The following CNTNAP2 variants were observed in gnomAD, a reference collection of about 807,000 sequenced individuals.
CNTNAP2 encodes the protein contactin associated protein 2, also known as contactin-associated protein-like 2.
A neutral mutation model predicts 155.2 loss-of-function variants in CNTNAP2; 98 were observed. That is an observed-to-expected ratio of 0.63 (90% CI 0.54 to 0.75). CNTNAP2 has a LOEUF of 0.75. CNTNAP2 is among the 30% of genes least tolerant of loss of function. The probability of loss-of-function intolerance (pLI) is 0.00; values close to 1 mark genes in which losing one functional copy is unlikely to be tolerated. For synonymous variants in CNTNAP2, 651 were observed against 631.2 expected, an observed-to-expected ratio of 1.03 and a Z score of -0.47; for missense variants, 1,727 against 1,688.1, an observed-to-expected ratio of 1.02 and a Z score of -0.40.
chr7:148,370,632 TC>T (rs938334766), intron 21 of CNTNAP2, among the ~76,000 whole-genome samples: 38 of 133,432 alleles, frequency 2.8e-4, no homozygotes, highest in Middle Eastern at 3.7e-3. Context: ...GCATGGCTGG[TC>T]CCCCCCTACC....
chr7:148,242,728 C>G (rs1015230717), intron 20 of CNTNAP2, among the ~76,000 whole-genome samples: 3 of 152,156 alleles, frequency 2.0e-5, no homozygotes, highest in African/African-American at 7.2e-5. Context: ...TGGGCACACA[C>G]GAGAGTTTCA....
intron 13 of CNTNAP2, among the ~76,000 whole-genome samples, chr7:147,801,269 C>A (rs1158160550): frequency 6.8e-6 from 1 of 147,820 alleles, no homozygotes; most frequent in African/African-American, 2.5e-5. Context: ...CATGTATATG[C>A]ATGTTAAATA....
At chr7:146,983,223 T>G (rs1393964491) in intron 3 of CNTNAP2, among the ~76,000 whole-genome samples, 1 of 152,172 alleles carries the variant, frequency 6.6e-6, no homozygotes, top group Non-Finnish European at 1.5e-5. Flanking sequence ...TGCTGAAAGA[T>G]TCTGCTGAAT....
intron 13 of CNTNAP2, among the ~76,000 whole-genome samples, chr7:147,828,502 T>A (rs1798495233): frequency 6.6e-6 from 1 of 152,212 alleles, no homozygotes; most frequent in Non-Finnish European, 1.5e-5. Context: ...TTTTTGGAAG[T>A]GCCACATAAA....
chr7:146,150,450 A>G (rs1480746330), intron 1 of CNTNAP2, among the ~76,000 whole-genome samples: 1 of 152,152 alleles, frequency 6.6e-6, no homozygotes, highest in Non-Finnish European at 1.5e-5. Context: ...TTGTAAAAAT[A>G]TGTTTTTAAT....
chr7:147,796,380 G>A (rs1376692707), intron 13 of CNTNAP2, among the ~76,000 whole-genome samples: 1 of 152,092 alleles, frequency 6.6e-6, no homozygotes, highest in Non-Finnish European at 1.5e-5. Context: ...ATTGAAGGAA[G>A]CCTTAGCACA....
chr7:146,999,136 A>G (rs1399960577), intron 3 of CNTNAP2, among the ~76,000 whole-genome samples: 1 of 151,266 alleles, frequency 6.6e-6, no homozygotes, highest in Admixed American at 6.6e-5. Context: ...TTTTTCTGTT[A>G]GCGTATCTGT....
intron 3 of CNTNAP2, among the ~76,000 whole-genome samples, chr7:146,971,875 G>A (rs1417538177): frequency 1.3e-5 from 2 of 152,030 alleles, no homozygotes; most frequent in African/African-American, 4.8e-5. Flanking sequence ...ATAATAAAGA[G>A]TATATTTATT....
At chr7:147,955,531 T>C (rs1464828451) in intron 14 of CNTNAP2, among the ~76,000 whole-genome samples, 1 of 152,212 alleles carries the variant, frequency 6.6e-6, no homozygotes, top group East Asian at 1.9e-4. Context: ...CAATAGTTAA[T>C]GGATCCCCTG....
chr7:147,914,371 T>C (rs1002142963), intron 14 of CNTNAP2, among the ~76,000 whole-genome samples: 5 of 151,976 alleles, frequency 3.3e-5, no homozygotes, highest in African/African-American at 1.2e-4. Flanking sequence ...TGAAACCCTA[T>C]GTCTACTAAA....
At chr7:148,388,049 C>A (rs1163864701) in intron 22 of CNTNAP2, among the ~76,000 whole-genome samples, 1 of 152,138 alleles carries the variant, frequency 6.6e-6, no homozygotes, top group African/African-American at 2.4e-5. Context: ...ATGATCCACC[C>A]CTTGTTTAGC....
intron 12 of CNTNAP2, among the ~76,000 whole-genome samples, chr7:147,615,313 C>T (rs1198832718): frequency 1.0e-5 from 1 of 96,834 alleles, no homozygotes; most frequent in Non-Finnish European, 2.1e-5. Flanking sequence ...AAAAAAAAGA[C>T]TACATCTCCA....
chr7:146,902,993 G>T (rs1180464099), intron 3 of CNTNAP2, among the ~76,000 whole-genome samples: 2 of 152,198 alleles, frequency 1.3e-5, no homozygotes, highest in Non-Finnish European at 2.9e-5. Context: ...GACTGCCTCT[G>T]GACTACCAGC....
chr7:147,626,904 C>T (rs1563028137), intron 12 of CNTNAP2, among the ~76,000 whole-genome samples: 1 of 152,208 alleles, frequency 6.6e-6, no homozygotes, highest in Non-Finnish European at 1.5e-5. Flanking sequence ...CATGGACTCT[C>T]ACAGAGTCTA....
intron 1 of CNTNAP2, among the ~76,000 whole-genome samples, chr7:146,749,675 G>GAA (rs66529111): frequency 0.059 from 9,015 of 151,966 alleles, 818 homozygotes; most frequent in African/African-American, 0.2. Flanking sequence ...CCCTGAATGA[G>GAA]TGAAGCTATA....
chr7:147,562,774 T>C (rs1800089758), intron 12 of CNTNAP2, among the ~76,000 whole-genome samples: 1 of 152,200 alleles, frequency 6.6e-6, no homozygotes, highest in South Asian at 2.1e-4. Flanking sequence ...GAGGACCTAG[T>C]TTTTCTCCAC....
At chr7:147,603,416 A>C (rs1800996476) in intron 12 of CNTNAP2, among the ~76,000 whole-genome samples, 2 of 152,268 alleles carry the variant, frequency 1.3e-5, no homozygotes, top group Middle Eastern at 3.4e-3. Context: ...AAGCATTCTT[A>C]TACACCAATA....
intron 10 of CNTNAP2, among the ~76,000 whole-genome samples, chr7:147,475,617 A>G (rs1482042316): frequency 2.0e-5 from 3 of 151,956 alleles, no homozygotes; most frequent in Admixed American, 6.6e-5. Context: ...GTATTTGGCT[A>G]TGTTTGGTCA....
chr7:147,204,765 A>G (rs1802986642), intron 8 of CNTNAP2, among the ~76,000 whole-genome samples: 1 of 152,142 alleles, frequency 6.6e-6, no homozygotes, highest in Non-Finnish European at 1.5e-5. Context: ...GTATATGTAA[A>G]TCTAAAACTC....
Sources: gnomAD v4.1 joint callset for allele counts (sites outside exome capture counted in the v4.1 genomes callset) on GRCh38, gnomAD v4.1.1 for gene constraint, MANE v1.5 for transcripts, NCBI Gene and HGNC (gene_info 2026-07-23, HGNC 2026-07-21) for gene names.